The following PTPRC variants were observed in gnomAD, a reference collection of about 807,000 sequenced individuals.
PTPRC encodes the protein receptor-type tyrosine-protein phosphatase C.
PTPRC carries 44 observed loss-of-function variants against 155.9 expected under a neutral mutation model. The observed-to-expected ratio is 0.28, with a 90% CI of 0.22 to 0.36. The LOEUF (loss-of-function observed/expected upper bound fraction) is 0.36. Among genes scored for constraint, PTPRC ranks in the 10% least tolerant of loss-of-function variants. The pLI is 1.00. For missense variants in PTPRC, 1,401 were observed against 1,564.6 expected (o/e 0.90, Z 1.76); for synonymous variants, 525 against 533.1 (o/e 0.98, Z 0.21).
At chr1:198,647,411 G>A (rs1201286038) in intron 2 of PTPRC, among the ~76,000 whole-genome samples, 1 of 151,792 alleles carries the variant, frequency 6.6e-6, no homozygotes, top group East Asian at 1.9e-4. Context: ...TATGTAGAAG[G>A]CACTTAATAA....
chr1:198,685,974 G>A (rs999627023), intron 2 of PTPRC, among the ~76,000 whole-genome samples: 1 of 151,636 alleles, frequency 6.6e-6, no homozygotes, highest in Non-Finnish European at 1.5e-5. Flanking sequence ...TAGCGGGGAG[G>A]GAGAACGGGT....
rs761188813 is a variant in PTPRC at position 198,749,429 on chromosome 1, A to C, written c.2952A>C (p.Arg984Ser). 1.2e-6 allele frequency: 2 copies of C among 1,609,294 alleles called. No homozygotes were observed. The highest frequency in any genetic ancestry group is 8.5e-7 in the Non-Finnish European group (1 of 1,176,680). The change falls in exon 28 of 33, where the codon AGA becomes AGC. Residue 984 changes from arginine to serine, a missense_variant. Physicochemically the swap from Arg to Ser is moderately radical, Grantham distance 110. Around this residue, in one of 3 missense-constraint regions of PTPRC, gnomAD observed 400 missense variants for 389.5 expected, o/e 1.03. Transcript: ENST00000442510. ...TATTTCACATAGATGACTATAACAG[A>C]GTGCCACTTAAACATGAGCTGGAAA... ...NSNVIPYDYN[R>S]VPLKHELEMS... is the part of the protein sequence containing the mutation.
intron 11 of PTPRC, among the ~76,000 whole-genome samples, chr1:198,712,134 C>T (rs999855690): frequency 3.2e-4 from 49 of 152,164 alleles, no homozygotes; most frequent in African/African-American, 9.2e-4. Flanking sequence ...TGTATCTTTA[C>T]AATAACTACT....
At chr1:198,644,361 C>A (rs1662817964) in intron 2 of PTPRC, among the ~76,000 whole-genome samples, 1 of 151,638 alleles carries the variant, frequency 6.6e-6, no homozygotes, top group African/African-American at 2.4e-5. Flanking sequence ...AAAAATATGG[C>A]AAGACTTTAG....
chr1:198,703,718 T>C lies in PTPRC; in HGVS notation c.658+346T>C, dbSNP rs962545347. 76 of 330,108 alleles carry C rather than the reference T, an allele frequency of 2.3e-4. No individual in the cohort carries two copies. The South Asian group carries it at 2.7e-3, about 12-fold the overall frequency. 20.4% of individuals were successfully genotyped at this position (330,108 alleles called of 1,614,324 possible). A position where few individuals can be genotyped will look rare whatever the true frequency, so the allele number is the denominator to read the frequency against. On this transcript the variant is annotated intron_variant, in intron 7 of 32. Coordinates refer to ENST00000442510, the MANE Select transcript of PTPRC (RefSeq NM_002838.5). ...CAAGTGGTGAGCATCAGACGGCTGA[T>C]GGCAGAGTTCCCGTTAAGCAGTGAG...
At chr1:198,719,896 C>T (rs1464396150) in intron 14 of PTPRC, among the ~76,000 whole-genome samples, 1 of 152,144 alleles carries the variant, frequency 6.6e-6, no homozygotes, top group Non-Finnish European at 1.5e-5. Context: ...CAGGTGTGAG[C>T]CACCGTGCCC....
In PTPRC at chr1:198,756,789, A is replaced by C. The variant is rs1655697671; in HGVS notation, c.*608A>C. 6.6e-6 allele frequency: 1 copy of C among 152,030 alleles called. No individual in the cohort carries two copies. Among genetic ancestry groups the C allele is most frequent in the South Asian group, 2.1e-4 (1 of 4,838 alleles). The allele number at this position is 152,030 out of a possible 1,614,324, so 9.4% of individuals were successfully genotyped here. On this transcript the variant is annotated 3_prime_UTR_variant, in exon 33 of 33. Transcript: ENST00000442510. ...TTGTTAACTAAATTAACATTGGGAA[A>C]TCTTATATTCCATATATTAGCATTT...
intron 2 of PTPRC, among the ~76,000 whole-genome samples, chr1:198,672,672 G>C (rs1182817926): frequency 6.7e-6 from 1 of 150,284 alleles, no homozygotes; most frequent in Non-Finnish European, 1.5e-5. Flanking sequence ...ATTTTTAGTA[G>C]AGATGGGGTT....
rs1654935527 is a variant in PTPRC at position 198,742,229 on chromosome 1, C to T, written c.2562-3C>T. 1 of 1,612,068 alleles carries T rather than the reference C, an allele frequency of 6.2e-7. No homozygotes were observed. Among genetic ancestry groups the T allele is most frequent in the Non-Finnish European group, 8.5e-7 (1 of 1,178,806 alleles). ...CTCTGCTTTTTTTTGCTTGGTTTGC[C>T]AGTGCTGGTGTTGGGCGCACAGGAA... On this transcript the variant is annotated splice_region_variant and splice_polypyrimidine_tract_variant and intron_variant, in intron 24 of 32. Transcript: ENST00000442510.
chr1:198,675,608 A>G (rs1328820919), intron 2 of PTPRC, among the ~76,000 whole-genome samples: 3 of 152,174 alleles, frequency 2.0e-5, no homozygotes, highest in Admixed American at 6.5e-5. Flanking sequence ...TTATGCCATG[A>G]AATGACATAC....
At chr1:198,706,194 G>C (rs965424264) in intron 8 of PTPRC, among the ~76,000 whole-genome samples, 1 of 152,152 alleles carries the variant, frequency 6.6e-6, no homozygotes, top group African/African-American at 2.4e-5. Flanking sequence ...CTAAACAAAG[G>C]TGCTTTGGAG....
chr1:198,690,041 A>G (rs1312954579), intron 2 of PTPRC, among the ~76,000 whole-genome samples: 1 of 152,166 alleles, frequency 6.6e-6, no homozygotes, highest in Admixed American at 6.5e-5. Flanking sequence ...TCAAGTTCCA[A>G]GGAATGAGGT....
chr1:198,695,368 A>G (rs1666146811), intron 3 of PTPRC, among the ~76,000 whole-genome samples: 1 of 148,482 alleles, frequency 6.7e-6, no homozygotes, highest in Non-Finnish European at 1.5e-5. Context: ...TTTTTACCTA[A>G]TTAAATATTT....
In PTPRC at chr1:198,691,731, G is replaced by A. The variant is rs79600646; in HGVS notation, c.74-616G>A. 8.8e-3 allele frequency among the ~76,000 whole-genome samples: 1,341 copies of A among 151,916 alleles called. 16 individuals are homozygous for A. Among genetic ancestry groups the A allele is most frequent in the African/African-American group, 0.03 (1,264 of 41,452 alleles). On this transcript the variant is annotated intron_variant, in intron 2 of 32. Transcript: ENST00000442510. ...AAGCTAGCTATATGCAATCCTTTAG[G>A]TTGTAGCTTAAATACATCCAAGAAA...
At chr1:198,645,432 A>G (rs888279778) in intron 2 of PTPRC, among the ~76,000 whole-genome samples, 4 of 151,868 alleles carry the variant, frequency 2.6e-5, no homozygotes, top group Non-Finnish European at 5.9e-5. Context: ...CCAAGCTGGG[A>G]AACATCATGA....
chr1:198,684,089 C>A (rs761453877), intron 2 of PTPRC, among the ~76,000 whole-genome samples: 1 of 151,534 alleles, frequency 6.6e-6, no homozygotes, highest in Non-Finnish European at 1.5e-5. Context: ...TCAATTTGAC[C>A]ATCATTGCAC....
chr1:198,735,275 T>G, intron 23 of PTPRC, 23 bp downstream of exon 23: 1 of 1,571,908 alleles, frequency 6.4e-7, no homozygotes, highest in South Asian at 1.2e-5. Flanking sequence ...TTTACATAAT[T>G]TTTGTTTTGA....
intron 26 of PTPRC, among the ~76,000 whole-genome samples, chr1:198,746,614 A>T (rs1655146086): frequency 6.6e-6 from 1 of 151,856 alleles, no homozygotes; most frequent in Non-Finnish European, 1.5e-5. Context: ...TGAGGATACA[A>T]ATAACCATTC....
chr1:198,700,911 G>C (rs1666427891), intron 5 of PTPRC, among the ~76,000 whole-genome samples: 2 of 152,172 alleles, frequency 1.3e-5, no homozygotes. Context: ...GGTTGAGAGT[G>C]GAAGCCTCAA....
Sources: allele counts gnomAD v4.1 joint callset (sites outside exome capture counted in the v4.1 genomes callset), GRCh38; gene constraint gnomAD v4.1.1; regional missense constraint gnomAD v4.1.1; transcripts MANE v1.5; gene names NCBI Gene and HGNC (gene_info 2026-07-23, HGNC 2026-07-21).